The following TNIP1 variants were observed in gnomAD, a reference collection of about 807,000 sequenced individuals.
TNIP1 encodes TNFAIP3 interacting protein 1, also known as TNFAIP3-interacting protein 1.
TNIP1 carries 22 observed loss-of-function variants against 86.6 expected under a neutral mutation model. The ratio of observed to expected loss-of-function variants is 0.25; its 90% confidence interval spans 0.18 to 0.36. The LOEUF (loss-of-function observed/expected upper bound fraction) is 0.36, where lower values mean the gene tolerates loss of function less well. TNIP1 is among the 10% of genes least tolerant of loss of function. The pLI, the probability that TNIP1 is intolerant of heterozygous loss-of-function variation, is 1.00. For missense variants in TNIP1, 709 were observed against 820.6 expected, an observed-to-expected ratio of 0.86 and a Z score of 1.66; for synonymous variants, 294 against 313.0, an observed-to-expected ratio of 0.94 and a Z score of 0.64.
chr5:151,075,338 T>C (rs566185731), intron 1 of TNIP1, among the ~76,000 whole-genome samples: 39 of 152,308 alleles, frequency 2.6e-4, no homozygotes, highest in African/African-American at 9.1e-4. Context: ...TTTTACTGTA[T>C]TGTTTGCTTT....
chr5:151,059,570 A>C (rs2042234), intron 5 of TNIP1, among the ~76,000 whole-genome samples: 2 of 152,152 alleles, frequency 1.3e-5, no homozygotes, highest in Non-Finnish European at 2.9e-5. Context: ...ACAATTAAAG[A>C]AAAAAACTTA....
chr5:151,073,538 C>G (rs1027168193), intron 1 of TNIP1, among the ~76,000 whole-genome samples: 1 of 145,078 alleles, frequency 6.9e-6, no homozygotes, highest in South Asian at 2.1e-4. Context: ...AAGCAAAGTG[C>G]AGATTTATAT....
At chr5:151,067,160 G>C (rs1283557380) in intron 1 of TNIP1, among the ~76,000 whole-genome samples, 2 of 152,244 alleles carry the variant, frequency 1.3e-5, no homozygotes, top group Non-Finnish European at 2.9e-5. Flanking sequence ...TTTTTAACCT[G>C]AAAGGTCAGT....
Position 151,052,193 on chromosome 5 carries a change from G to T in TNIP1, c.694C>A (p.Gln232Lys). 6.2e-7 allele frequency: 1 copy of T among 1,614,050 alleles called. No individual in the cohort carries two copies. The highest frequency in any genetic ancestry group is 1.7e-4 in the Middle Eastern group (1 of 6,060). ...AGCCTCTCGGCAGCCTGATCCCGCT[G>T]TTCCAGGCCCTTATCCAACTTGGCC... Reference protein sequence around the residue: ...LKAKLDKGLEQRDQAAERLRE... With the variant: ...LKAKLDKGLEKRDQAAERLRE... The change falls in exon 7 of 18, where the codon CAG (glutamine) becomes AAG (lysine). Residue 232 changes from glutamine to lysine, a missense_variant. Gln to Lys is a moderately conservative substitution (Grantham distance 53). Transcript: ENST00000521591.
chr5:151,051,775 G>C, intron 7 of TNIP1, among the ~76,000 whole-genome samples: 1 of 152,190 alleles, frequency 6.6e-6, no homozygotes, highest in East Asian at 1.9e-4. Flanking sequence ...AAGCCCCCTA[G>C]TCCAGTGGGG....
intron 1 of TNIP1, 25 bp from the exon 2 acceptor site, chr5:151,065,156 A>C: frequency 6.3e-7 from 1 of 1,585,502 alleles, no homozygotes; most frequent in Non-Finnish European, 8.6e-7. Context: ...GCAGCATATC[A>C]GCAGGCTGGC....
rs114354751 is a variant in TNIP1 at position 151,063,128 on chromosome 5, C to T, written c.271+485G>A. On this transcript the variant is annotated intron_variant, in intron 3 of 17. Coordinates refer to ENST00000521591, the MANE Select transcript of TNIP1 (RefSeq NM_006058.5). ...CACACGTAACCTTACATCTGAAATA[C>T]GCTGCAGCAGGCTAACAGGCAAGCC... 1.1e-3 allele frequency among the ~76,000 whole-genome samples: 164 copies of T among 152,316 alleles called. 1 individual carries two copies. The highest frequency in any genetic ancestry group is 3.6e-3 in the African/African-American group (150 of 41,574).
intron 5 of TNIP1, among the ~76,000 whole-genome samples, chr5:151,059,914 C>T (rs1322344899): frequency 6.8e-6 from 1 of 146,106 alleles, no homozygotes; most frequent in Non-Finnish European, 1.5e-5. Context: ...AACCTCCTTC[C>T]TGTGTGCTCC....
intron 9 of TNIP1, among the ~76,000 whole-genome samples, chr5:151,044,307 GC>G (rs1758842918): frequency 6.6e-6 from 1 of 152,070 alleles, no homozygotes; most frequent in Non-Finnish European, 1.5e-5. Context: ...CTCCCAAAGT[GC>G]TGGGATTACA....
At chr5:151,050,851 T>G (rs905436059) in intron 7 of TNIP1, among the ~76,000 whole-genome samples, 1 of 152,096 alleles carries the variant, frequency 6.6e-6, no homozygotes, top group Non-Finnish European at 1.5e-5. Flanking sequence ...TATTTTTTGT[T>G]GGGGCTGGGG....
At chr5:151,049,497 G>A (rs1759615265) in intron 8 of TNIP1, among the ~76,000 whole-genome samples, 1 of 152,186 alleles carries the variant, frequency 6.6e-6, no homozygotes, top group Non-Finnish European at 1.5e-5. Context: ...CTCTAAGACA[G>A]ACCTTGACAA....
chr5:151,044,529 T>C (rs1331422113), intron 9 of TNIP1, among the ~76,000 whole-genome samples: 1 of 152,118 alleles, frequency 6.6e-6, no homozygotes, highest in Non-Finnish European at 1.5e-5. Context: ...GTAATGAGCA[T>C]TATATCACTT....
chr5:151,059,436 G>A (rs116153151), intron 5 of TNIP1, among the ~76,000 whole-genome samples: 161 of 152,324 alleles, frequency 1.1e-3, no homozygotes, highest in African/African-American at 3.8e-3. Context: ...CCTGCACTGG[G>A]CACTGACAGG....
At chr5:151,037,164 A>C in intron 12 of TNIP1, 1 of 376,126 alleles carries the variant, frequency 2.7e-6, no homozygotes, top group Non-Finnish European at 4.5e-6. Context: ...CAGATGTGAA[A>C]ACTGAGGCTC....
chr5:151,039,909 A>C (rs1469282890), intron 11 of TNIP1, among the ~76,000 whole-genome samples: 1 of 152,252 alleles, frequency 6.6e-6, no homozygotes, highest in African/African-American at 2.4e-5. Context: ...CCCTCTACGG[A>C]ACCAGCAGGG....
chr5:151,043,632 G>A (rs145425816), intron 9 of TNIP1, among the ~76,000 whole-genome samples: 68 of 152,022 alleles, frequency 4.5e-4, no homozygotes, highest in African/African-American at 8.2e-4. Flanking sequence ...AAATTTAGCC[G>A]GGCATGGTGG....
intron 6 of TNIP1, among the ~76,000 whole-genome samples, chr5:151,052,830 C>T (rs1287493905): frequency 6.6e-6 from 1 of 152,218 alleles, no homozygotes; most frequent in African/African-American, 2.4e-5. Context: ...TAACCATCCT[C>T]TTGTTCACTG....
chr5:151,054,848 A>G (rs1205530751), intron 6 of TNIP1, among the ~76,000 whole-genome samples: 1 of 152,226 alleles, frequency 6.6e-6, no homozygotes, highest in Non-Finnish European at 1.5e-5. Context: ...CCACCCAGGC[A>G]GTAAAAATAC....
At chr5:151,062,786 A>G (rs1761746930) in intron 3 of TNIP1, among the ~76,000 whole-genome samples, 1 of 152,220 alleles carries the variant, frequency 6.6e-6, no homozygotes, top group Non-Finnish European at 1.5e-5. Context: ...ATAGACAAGC[A>G]GAGGCTGGAA....
Sources: gnomAD v4.1 joint callset for allele counts (sites outside exome capture counted in the v4.1 genomes callset) on GRCh38, gnomAD v4.1.1 for gene constraint, MANE v1.5 for transcripts, NCBI Gene and HGNC (gene_info 2026-07-23, HGNC 2026-07-21) for gene names.